HNRNPM: variants seen among roughly 807,000 people sequenced by gnomAD.
The protein encoded by HNRNPM is CEA receptor.
In HNRNPM, 11 loss-of-function variants were observed where a neutral mutation model predicts 73.1. The observed-to-expected ratio is 0.15, with a 90% CI of 0.09 to 0.25. The LOEUF (loss-of-function observed/expected upper bound fraction) is 0.25. Ranked by LOEUF, HNRNPM falls within the 10% of genes least tolerant of loss-of-function variation. The probability of loss-of-function intolerance (pLI) is 1.00; values close to 1 mark genes in which losing one functional copy is unlikely to be tolerated. For missense variants in HNRNPM, 789 were observed against 1,067.9 expected, an observed-to-expected ratio of 0.74 and a Z score of 3.64; for synonymous variants, 407 against 355.2, an observed-to-expected ratio of 1.15 and a Z score of -1.64.
intron 1 of HNRNPM, among the ~76,000 whole-genome samples, chr19:8,453,287 T>C (rs545121767): frequency 6.6e-6 from 1 of 152,216 alleles, no homozygotes; most frequent in South Asian, 2.1e-4. Context: ...ATTGCAGGCA[T>C]GTGCCACCAC....
At chr19:8,455,271 G>A (rs1031377975) in intron 1 of HNRNPM, 134 bp from the exon 2 acceptor site, 25 of 711,700 alleles carry the variant, frequency 3.5e-5, no homozygotes, top group Admixed American at 5.8e-5. Context: ...GTGAGCCACC[G>A]CATCTGACCA....
intron 2 of HNRNPM, among the ~76,000 whole-genome samples, chr19:8,457,570 T>G (rs1568266551): frequency 6.6e-6 from 1 of 152,206 alleles, no homozygotes; most frequent in East Asian, 1.9e-4. Context: ...TACTTTGCTG[T>G]TTAATTAAAT....
chr19:8,475,458 C>T (rs997073272), intron 12 of HNRNPM, among the ~76,000 whole-genome samples: 1 of 152,190 alleles, frequency 6.6e-6, no homozygotes, highest in African/African-American at 2.4e-5. Context: ...CCTTCCTTTG[C>T]GGGTCTGCCA....
At chr19:8,477,607 A>C (rs1970599846) in intron 12 of HNRNPM, among the ~76,000 whole-genome samples, 1 of 148,358 alleles carries the variant, frequency 6.7e-6, no homozygotes, top group South Asian at 2.1e-4. Context: ...AAGCATGATC[A>C]CGCCACTGCA....
intron 8 of HNRNPM, among the ~76,000 whole-genome samples, chr19:8,468,205 A>G (rs1969889917): frequency 6.6e-6 from 1 of 152,174 alleles, no homozygotes; most frequent in East Asian, 1.9e-4. Context: ...CAGTTTTTCA[A>G]AGTATTACAG....
rs1339688082 is a variant in HNRNPM, at chr19:8,455,570, A to G, written c.279A>G (p.Glu93=). The change falls in exon 2 of 16, where the codon GAA becomes GAG. Residue 93 remains glutamate (E), a synonymous_variant. Transcript: ENST00000325495. The stretch of plus-strand genomic sequence containing the variant: ...AGTCACTTAAAGACCTGGTTAAAGA[A>G]AAAGGTAATGGTACTGGTGATTGAG... ...KWQSLKDLVK[E]KVGEVTYVEL... 2 of 1,612,358 alleles carry G rather than the reference A, an allele frequency of 1.2e-6. No individual in the cohort carries two copies. The highest frequency in any genetic ancestry group is 1.7e-6 in the Non-Finnish European group (2 of 1,178,890).
At chr19:8,446,602 G>A (rs146347978) in intron 1 of HNRNPM, among the ~76,000 whole-genome samples, 1 of 151,968 alleles carries the variant, frequency 6.6e-6, no homozygotes, top group Non-Finnish European at 1.5e-5. Context: ...GAGGTCTCCG[G>A]GTGTTGCCCA....
intron 12 of HNRNPM, among the ~76,000 whole-genome samples, chr19:8,480,004 A>G (rs1970796826): frequency 7.4e-6 from 1 of 135,900 alleles, no homozygotes; most frequent in South Asian, 2.6e-4. Context: ...TGAACTCGGG[A>G]CCTCGTGATT....
intron 12 of HNRNPM, among the ~76,000 whole-genome samples, chr19:8,475,175 A>C (rs897778626): frequency 6.6e-6 from 1 of 152,252 alleles, no homozygotes; most frequent in African/African-American, 2.4e-5. Flanking sequence ...ACTGGTAAAC[A>C]GTGGTGCCTG....
rs778194394 is a variant in HNRNPM at position 8,473,762 on chromosome 19, CTCTT to C, written c.1042+57_1042+60del. ...TAATCACTTTTAGGCATAGTTTTCT[CTCTT>C]TCCTCTTTTCTTTCTTGTTTAAACC... On this transcript the variant is annotated intron_variant, in intron 11 of 15. Transcript: ENST00000325495. 29 of 1,065,450 alleles carry C rather than the reference CTCTT, an allele frequency of 2.7e-5. 4 individuals are homozygous for C. Among genetic ancestry groups the C allele is most frequent in the East Asian group, 9.6e-5 (4 of 41,768 alleles). The allele number at this position is 1,065,450 out of a possible 1,614,324, so 66.0% of individuals were successfully genotyped here.
intron 5 of HNRNPM, 80 bp downstream of exon 5, chr19:8,463,766 G>C: frequency 1.1e-6 from 1 of 923,224 alleles, no homozygotes; most frequent in Non-Finnish European, 1.7e-6. Context: ...AGACGGTCAT[G>C]GTCCCAGACG....
At chr19:8,455,638 C>G in intron 2 of HNRNPM, 64 bp downstream of exon 2, 1 of 1,416,442 alleles carries the variant, frequency 7.1e-7, no homozygotes, top group Admixed American at 1.9e-5. Flanking sequence ...GTGGCTAATT[C>G]CTTGGTTATT....
chr19:8,482,924 G>A (rs1368687717), intron 12 of HNRNPM: 4 of 499,058 alleles, frequency 8.0e-6, no homozygotes, highest in Non-Finnish European at 1.1e-5. Flanking sequence ...AGGTGACCCC[G>A]CACGCTGGGC....
intron 13 of HNRNPM, among the ~76,000 whole-genome samples, chr19:8,483,427 C>T (rs1251670436): frequency 1.3e-5 from 2 of 152,190 alleles, no homozygotes; most frequent in African/African-American, 4.8e-5. Flanking sequence ...TAGTACCTGC[C>T]TCAGGGATGC....
In HNRNPM at chr19:8,488,673, CT is replaced by C. The variant is rs751340704; in HGVS notation, c.2030-16del. The C allele has an allele frequency of 8.8e-5, 141 of 1,601,170 alleles. No homozygotes were observed. The highest frequency in any genetic ancestry group is 4.8e-5 in the Non-Finnish European group (56 of 1,171,940). Reference sequence around the variant, plus strand: ...AAATCGGGACTGAGTGTCGTCTCTTCTTCCCTCCCTGTCCTAGGCCACGTGC... The same window carrying C: ...AAATCGGGACTGAGTGTCGTCTCTTCTCCCTCCCTGTCCTAGGCCACGTGC... On this transcript the variant is annotated splice_polypyrimidine_tract_variant and intron_variant, in intron 15 of 15. Transcript: ENST00000325495.
rs767113114 is a variant in HNRNPM, at chr19:8,445,027, A to G, written c.29A>G (p.Glu10Gly). Residue 10 changes from glutamate to glycine, a missense_variant, in exon 1 of 16, where the codon GAG becomes GGG. Physicochemically the swap from Glu to Gly is moderately conservative, Grantham distance 98. This residue lies in a region of HNRNPM where 79 missense variants were observed against 70.7 expected (regional missense o/e 1.12). Coordinates refer to ENST00000325495, the MANE Select transcript of HNRNPM (RefSeq NM_005968.5). ...GCGGCAGGGGTCGAAGCGGCGGCGG[A>G]GGTGGCGGCGACGGAGATCAAAATG... Reference protein sequence around the residue: MAAGVEAAAEVAATEIKMEE... With the variant: MAAGVEAAAGVAATEIKMEE... The G allele has an allele frequency of 2.8e-6, 4 of 1,421,494 alleles. No homozygotes were observed. Among genetic ancestry groups the G allele is most frequent in the Non-Finnish European group, 3.7e-6 (4 of 1,090,640 alleles). The allele number at this position is 1,421,494 out of a possible 1,614,324, so 88.1% of individuals were successfully genotyped here.
intron 9 of HNRNPM, among the ~76,000 whole-genome samples, 196 bp from the exon 10 acceptor site, chr19:8,471,130 C>T (rs1431454853): frequency 6.8e-6 from 1 of 147,944 alleles, no homozygotes; most frequent in Non-Finnish European, 1.5e-5. Flanking sequence ...TGTATACACA[C>T]ATATCCCAAA....
rs931785669 is a variant in HNRNPM, at chr19:8,462,214, C to G, written c.284-315C>G. 2 of 297,366 alleles carry G rather than the reference C, an allele frequency of 6.7e-6. No homozygotes were observed. Among genetic ancestry groups the G allele is most frequent in the South Asian group, 1.2e-4 (2 of 17,078 alleles). The allele number at this position is 297,366 out of a possible 1,614,324, so 18.4% of individuals were successfully genotyped here. A position where few individuals can be genotyped will look rare whatever the true frequency, so the allele number is the denominator to read the frequency against. On this transcript the variant is annotated intron_variant, in intron 2 of 15. Transcript: ENST00000325495. This position sits in a 1 kb window ranked among gnomAD's most constrained non-coding sequence, Gnocchi z 4.5. ...CCCTTCCCCAGAAAAGTAAATCACG[C>G]AGACTTCTTTCCTATAGATTTGGAT...
chr19:8,462,440 T>C lies in HNRNPM; in HGVS notation c.284-89T>C. On this transcript the variant is annotated intron_variant, in intron 2 of 15. Coordinates refer to ENST00000325495, the MANE Select transcript of HNRNPM (RefSeq NM_005968.5). The surrounding 1 kb of genome is among the most constrained non-coding windows in gnomAD (Gnocchi z 4.5). ...GCTTTCTTATAAGGCAGAGGCTCCA[T>C]ACAAGGTTGCTGATGATTGTTCTAA... The C allele has an allele frequency of 9.0e-7, 1 of 1,116,680 alleles. No homozygotes were observed. The allele number at this position is 1,116,680 out of a possible 1,614,324, so 69.2% of individuals were successfully genotyped here. A position where few individuals can be genotyped will look rare whatever the true frequency, so the allele number is the denominator to read the frequency against.
Sources: gnomAD v4.1 joint callset for allele counts (sites outside exome capture counted in the v4.1 genomes callset) on GRCh38, gnomAD v4.1.1 for gene constraint, gnomAD v4.1.1 regional missense constraint, Gnocchi (gnomAD v3.1) non-coding constraint, MANE v1.5 for transcripts, NCBI Gene and HGNC (gene_info 2026-07-23, HGNC 2026-07-21) for gene names.